PLAG1: variants seen among roughly 807,000 people sequenced by gnomAD.
The protein encoded by PLAG1 is zinc finger protein PLAG1.
A neutral mutation model predicts 35.5 loss-of-function variants in PLAG1; 7 were observed. The observed-to-expected ratio is 0.20, with a 90% CI of 0.11 to 0.37. The LOEUF (loss-of-function observed/expected upper bound fraction) is 0.37. Ranked by LOEUF, PLAG1 falls within the 10% of genes least tolerant of loss-of-function variation. The pLI, the probability that PLAG1 is intolerant of heterozygous loss-of-function variation, is 1.00. For missense variants in PLAG1, 454 were observed against 602.8 expected, an observed-to-expected ratio of 0.75 and a Z score of 2.58; for synonymous variants, 229 against 225.4, an observed-to-expected ratio of 1.02 and a Z score of -0.14.
At chr8:56,203,017 G>A (rs1361680540) in intron 1 of PLAG1, among the ~76,000 whole-genome samples, 1 of 152,030 alleles carries the variant, frequency 6.6e-6, no homozygotes, top group African/African-American at 2.4e-5. Flanking sequence ...AAATACAACA[G>A]ACATTCAACC....
intron 1 of PLAG1, among the ~76,000 whole-genome samples, chr8:56,186,169 TA>T (rs1812011416): frequency 6.6e-6 from 1 of 152,130 alleles, no homozygotes; most frequent in South Asian, 2.1e-4. Flanking sequence ...AGAAGGGGCT[TA>T]AACTTTAAAA....
At chr8:56,189,579 G>C (rs1812123859) in intron 1 of PLAG1, among the ~76,000 whole-genome samples, 2 of 152,168 alleles carry the variant, frequency 1.3e-5, no homozygotes, top group African/African-American at 4.8e-5. Context: ...GTCTAGTAAG[G>C]AGGTATCCCA....
At chr8:56,175,755 A>G (rs575259358) in intron 2 of PLAG1, among the ~76,000 whole-genome samples, 1 of 152,198 alleles carries the variant, frequency 6.6e-6, no homozygotes, top group Non-Finnish European at 1.5e-5. Flanking sequence ...GAAAAATGGC[A>G]TAACTTTTTG....
rs761710139 is a variant in PLAG1 at position 56,166,912 on chromosome 8, T to A, written c.834A>T (p.Leu278Phe). The A allele has an allele frequency of 6.2e-7, 1 of 1,614,070 alleles. No homozygotes were observed. The highest frequency in any genetic ancestry group is 1.1e-5 in the South Asian group (1 of 91,080). The change falls in exon 5 of 5, where the codon TTA becomes TTT. Residue 278 changes from leucine to phenylalanine, a missense_variant. Leu to Phe is a conservative substitution (Grantham distance 22, BLOSUM62 0). This residue lies in a region of PLAG1 where 271 missense variants were observed against 315.6 expected (regional missense o/e 0.86). Coordinates refer to ENST00000316981, the MANE Select transcript of PLAG1 (RefSeq NM_002655.3). ...GCAAAGTGTTTGTGAATGGCTTTGA[T>A]AACAGTTCACTGGAAGGTAAGGACA... ...PVMSLPSSEL[L>F]SKPFTNTLQL... is the part of the protein sequence containing the mutation.
chr8:56,196,945 AGTGTGCGTGT>A (rs1186844453), intron 1 of PLAG1, among the ~76,000 whole-genome samples: 18 of 84,200 alleles, frequency 2.1e-4, no homozygotes, highest in African/African-American at 5.4e-4. Context: ...CTCCCTCCCT[AGTGTGCGTGT>A]GTGTGTGTGT....
chr8:56,183,780 C>T (rs1811939955), intron 1 of PLAG1, among the ~76,000 whole-genome samples: 3 of 152,060 alleles, frequency 2.0e-5, no homozygotes, highest in Non-Finnish European at 2.9e-5. Context: ...GATATCTACA[C>T]ATCAAGAAAA....
intron 1 of PLAG1, among the ~76,000 whole-genome samples, chr8:56,201,858 T>C (rs754525006): frequency 5.9e-5 from 9 of 152,162 alleles, no homozygotes; most frequent in Admixed American, 3.9e-4. Context: ...TCAAAATATT[T>C]TGAGAGTTAT....
intron 2 of PLAG1, among the ~76,000 whole-genome samples, chr8:56,174,887 T>A (rs1811641475): frequency 1.3e-5 from 2 of 152,226 alleles, no homozygotes; most frequent in African/African-American, 4.8e-5. Flanking sequence ...AATTTAGAGA[T>A]GATGTGAAGA....
chr8:56,190,944 T>C (rs535602014), intron 1 of PLAG1, among the ~76,000 whole-genome samples: 83 of 152,156 alleles, frequency 5.5e-4, no homozygotes, highest in Non-Finnish European at 1.0e-3. Flanking sequence ...GCAGAGGAAA[T>C]AGCACGTGCA....
chr8:56,187,528 G>A (rs1812055221), intron 1 of PLAG1, among the ~76,000 whole-genome samples: 1 of 152,234 alleles, frequency 6.6e-6, no homozygotes, highest in South Asian at 2.1e-4. Flanking sequence ...GCAGTAGTGT[G>A]TGAATTAAAG....
intron 1 of PLAG1, among the ~76,000 whole-genome samples, chr8:56,201,395 T>G (rs1013048768): frequency 6.6e-6 from 1 of 152,220 alleles, no homozygotes; most frequent in African/African-American, 2.4e-5. Context: ...AAGATCCTTA[T>G]TATGAGACAA....
chr8:56,199,607 T>C (rs1449952894), intron 1 of PLAG1, among the ~76,000 whole-genome samples: 1 of 151,986 alleles, frequency 6.6e-6, no homozygotes, highest in African/African-American at 2.4e-5. Flanking sequence ...TGAGTGACAA[T>C]ACAAGGACCT....
chr8:56,202,593 A>G (rs889419346), intron 1 of PLAG1, among the ~76,000 whole-genome samples: 1 of 152,220 alleles, frequency 6.6e-6, no homozygotes, highest in South Asian at 2.1e-4. Flanking sequence ...AATGTGATCA[A>G]TTGCACTTCT....
rs1811317306 is a variant in PLAG1, at chr8:56,165,200, C to G, written c.*1043G>C. 1 of 213,330 alleles carries G rather than the reference C, an allele frequency of 4.7e-6. No homozygotes were observed. The highest frequency in any genetic ancestry group is 9.5e-6 in the Non-Finnish European group (1 of 105,410). 13.2% of individuals were successfully genotyped at this position (213,330 alleles called of 1,614,324 possible). On this transcript the variant is annotated 3_prime_UTR_variant, in exon 5 of 5. Transcript: ENST00000316981. ...CTGGCTACAGGGGCCATGATCCCTA[C>G]ACAAGTTCCCAAATGTAACCATGTG...
chr8:56,200,214 A>C (rs1213241995), intron 1 of PLAG1, among the ~76,000 whole-genome samples: 1 of 152,186 alleles, frequency 6.6e-6, no homozygotes, highest in Admixed American at 6.5e-5. Context: ...AATTCCCCCA[A>C]GTGGTATTAA....
chr8:56,169,341 G>T (rs1175166435), intron 3 of PLAG1, among the ~76,000 whole-genome samples: 4 of 152,020 alleles, frequency 2.6e-5, no homozygotes, highest in Admixed American at 1.3e-4. Flanking sequence ...ATGTGTTATT[G>T]GTGCTGCAAA....
At chr8:56,210,349 A>G (rs760586312) in intron 1 of PLAG1, among the ~76,000 whole-genome samples, 6 of 151,740 alleles carry the variant, frequency 4.0e-5, no homozygotes, top group Non-Finnish European at 8.8e-5. Context: ...TGATACTGAC[A>G]ACAAGCTGTC....
At position 56,166,933 on chromosome 8, in the gene PLAG1, G is replaced by A; in HGVS notation, c.813C>T (p.Ser271=). 1 of 1,614,018 alleles carries A rather than the reference G, an allele frequency of 6.2e-7. No individual in the cohort carries two copies. Among genetic ancestry groups the A allele is most frequent in the East Asian group, 2.2e-5 (1 of 44,878 alleles). Residue 271 remains serine, a synonymous_variant, in exon 5 of 5, where the codon TCC becomes TCT. Coordinates refer to ENST00000316981, the MANE Select transcript of PLAG1 (RefSeq NM_002655.3). ...TTGATAACAGTTCACTGGAAGGTAA[G>A]GACATCACCGGAAGGAGCTCGTCTT... ...PIKDELLPVM[S]LPSSELLSKP...
intron 2 of PLAG1, chr8:56,178,125 T>C (rs1049912561): frequency 1.1e-5 from 4 of 361,594 alleles, no homozygotes; most frequent in Non-Finnish European, 1.2e-5. Flanking sequence ...TGAAGTTCTA[T>C]GGGAAGGAAA....
Sources: gnomAD v4.1 joint callset for allele counts (sites outside exome capture counted in the v4.1 genomes callset) on GRCh38, gnomAD v4.1.1 for gene constraint, gnomAD v4.1.1 regional missense constraint, MANE v1.5 for transcripts, NCBI Gene and HGNC (gene_info 2026-07-23, HGNC 2026-07-21) for gene names.